The following ARID4B variants were observed in gnomAD, a reference collection of about 807,000 sequenced individuals.
The protein encoded by ARID4B is AT-rich interaction domain 4B.
ARID4B carries 26 observed loss-of-function variants against 147.5 expected under a neutral mutation model. That is an observed-to-expected ratio of 0.18 (90% CI 0.13 to 0.24). The LOEUF is 0.24. Ranked by LOEUF, ARID4B falls within the 10% of genes least tolerant of loss-of-function variation. The probability of loss-of-function intolerance (pLI) is 1.00; values close to 1 mark genes in which losing one functional copy is unlikely to be tolerated. For missense variants in ARID4B, 1,179 were observed against 1,511.5 expected (o/e 0.78, Z 3.65); for synonymous variants, 512 against 507.9 (o/e 1.01, Z -0.11).
chr1:235,283,622 T>C (rs1671797347), intron 2 of ARID4B, among the ~76,000 whole-genome samples: 1 of 152,122 alleles, frequency 6.6e-6, no homozygotes, highest in Admixed American at 6.5e-5. Context: ...TTATTAATAT[T>C]AAGTACTATT....
chr1:235,258,587 A>G (rs558472469), intron 3 of ARID4B, among the ~76,000 whole-genome samples: 1 of 152,326 alleles, frequency 6.6e-6, no homozygotes, highest in African/African-American at 2.4e-5. Context: ...ATAGAAAACA[A>G]TTGTTTTCTC....
chr1:235,318,419 A>G (rs1336325814), intron 2 of ARID4B, among the ~76,000 whole-genome samples: 3 of 151,906 alleles, frequency 2.0e-5, no homozygotes, highest in Non-Finnish European at 4.4e-5. Flanking sequence ...TGATCCACCC[A>G]CATCGGCTTC....
At chr1:235,269,684 A>G (rs890143189) in intron 2 of ARID4B, among the ~76,000 whole-genome samples, 2 of 152,214 alleles carry the variant, frequency 1.3e-5, no homozygotes, top group African/African-American at 4.8e-5. Flanking sequence ...ATCTGTGTAT[A>G]TATCTCTCTC....
chr1:235,229,204 T>A, intron 11 of ARID4B, 27 bp downstream of exon 11: 1 of 1,598,058 alleles, frequency 6.3e-7, no homozygotes, highest in Non-Finnish European at 8.5e-7. Flanking sequence ...TTTATAATTT[T>A]AAAAGGTATC....
intron 3 of ARID4B, 128 bp downstream of exon 3, chr1:235,260,514 T>C (rs1572099309): frequency 1.0e-5 from 6 of 577,158 alleles, no homozygotes; most frequent in Non-Finnish European, 1.7e-5. Context: ...ATGCTTTGTT[T>C]TGAGGTATTT....
intron 2 of ARID4B, among the ~76,000 whole-genome samples, chr1:235,267,703 G>A (rs184250941): frequency 7.2e-5 from 11 of 152,092 alleles, no homozygotes; most frequent in Admixed American, 3.9e-4. Flanking sequence ...GTGGTGGCGG[G>A]TGCCTGTAGG....
chr1:235,308,204 C>G (rs1015883484), intron 2 of ARID4B, among the ~76,000 whole-genome samples: 1 of 149,110 alleles, frequency 6.7e-6, no homozygotes, highest in Non-Finnish European at 1.5e-5. Flanking sequence ...GGTTCAGGCA[C>G]TTCTCCTGTC....
chr1:235,254,011 T>C (rs1669800124), intron 5 of ARID4B, among the ~76,000 whole-genome samples: 1 of 152,170 alleles, frequency 6.6e-6, no homozygotes, highest in Non-Finnish European at 1.5e-5. Flanking sequence ...TATGTGAAAC[T>C]GGATAAATAA....
intron 17 of ARID4B, among the ~76,000 whole-genome samples, chr1:235,208,766 C>T (rs1045673813): frequency 3.3e-5 from 5 of 152,256 alleles, no homozygotes; most frequent in African/African-American, 1.2e-4. Flanking sequence ...ATCCGCCCAC[C>T]TCGGCCTCCC....
intron 13 of ARID4B, among the ~76,000 whole-genome samples, chr1:235,222,169 C>T (rs1179723879): frequency 6.6e-6 from 1 of 151,936 alleles, no homozygotes; most frequent in Non-Finnish European, 1.5e-5. Context: ...GCCTTAGCCT[C>T]CCAAAGTGCT....
chr1:235,270,245 T>G (rs921656549), intron 2 of ARID4B, among the ~76,000 whole-genome samples: 2 of 152,228 alleles, frequency 1.3e-5, no homozygotes, highest in African/African-American at 2.4e-5. Flanking sequence ...ATCATGCCAC[T>G]GGACTCCAGC....
chr1:235,220,243 T>TA, intron 15 of ARID4B, 59 bp downstream of exon 15: 5 of 1,464,674 alleles, frequency 3.4e-6, no homozygotes, highest in Non-Finnish European at 1.8e-6. Flanking sequence ...TGGAACTTTA[T>TA]AGAGGATATG....
chr1:235,254,803 T>C (rs1445603008), intron 5 of ARID4B, among the ~76,000 whole-genome samples: 2 of 152,010 alleles, frequency 1.3e-5, no homozygotes, highest in Admixed American at 6.5e-5. Context: ...AATGAAATTA[T>C]GTTCCTTTCA....
At chr1:235,184,482 C>A (rs541835689) in intron 19 of ARID4B, among the ~76,000 whole-genome samples, 4 of 152,222 alleles carry the variant, frequency 2.6e-5, no homozygotes, top group Non-Finnish European at 4.4e-5. Context: ...AATCTACCCC[C>A]CAAGGTAGTT....
intron 2 of ARID4B, among the ~76,000 whole-genome samples, chr1:235,302,159 A>AAAAAAC: frequency 7.0e-6 from 1 of 143,444 alleles, no homozygotes; most frequent in Non-Finnish European, 1.5e-5. Context: ...AACGGAAAAA[A>AAAAAAC]AAAAAAAAAA....
At chr1:235,219,092 G>C (rs369732622) in intron 16 of ARID4B, among the ~76,000 whole-genome samples, 2 of 151,924 alleles carry the variant, frequency 1.3e-5, no homozygotes, top group African/African-American at 4.8e-5. Context: ...TTGAAATCCC[G>C]ACATCAAGTG....
At chr1:235,227,004 T>C (rs1470277102) in intron 11 of ARID4B, among the ~76,000 whole-genome samples, 2 of 152,060 alleles carry the variant, frequency 1.3e-5, no homozygotes, top group Non-Finnish European at 2.9e-5. Flanking sequence ...AATGAACTGG[T>C]GCTTTCCTGA....
In ARID4B at chr1:235,299,717, TTA is replaced by T. The variant is rs1290684841; in HGVS notation, c.6+27195_6+27196del. ...CAGTTCTCTGGAAAAGAACTCTGGA[TTA>T]TGAGTTAGGAGATCCAAGTTAGGGG... On this transcript the variant is annotated intron_variant, in intron 2 of 23. Transcript: ENST00000264183. Among the ~76,000 whole-genome samples, 5 of 152,298 alleles carry T rather than the reference TTA, an allele frequency of 3.3e-5. No homozygotes were observed. In the East Asian group the frequency reaches 7.7e-4, roughly 24 times the overall value.
chr1:235,189,361 C>G, intron 19 of ARID4B, among the ~76,000 whole-genome samples: 1 of 122,114 alleles, frequency 8.2e-6, no homozygotes, highest in African/African-American at 3.1e-5. Context: ...GATCATGCCA[C>G]TGCACTCCAG....
Sources: allele counts gnomAD v4.1 joint callset (sites outside exome capture counted in the v4.1 genomes callset), GRCh38; gene constraint gnomAD v4.1.1; transcripts MANE v1.5; gene names NCBI Gene and HGNC (gene_info 2026-07-23, HGNC 2026-07-21).